RFPL1: variants seen among roughly 807,000 people sequenced by gnomAD.
The protein encoded by RFPL1 is ret finger protein like 1.
Under a neutral mutation model 9.6 loss-of-function variants are expected in RFPL1, and 6 were observed. The observed-to-expected ratio is 0.62, with a 90% CI of 0.34 to 1.23. The LOEUF is 1.23. Ranked by LOEUF, RFPL1 falls within the 50% of genes most tolerant of loss-of-function variation. The pLI, the probability that RFPL1 is intolerant of heterozygous loss-of-function variation, is 0.03. For synonymous variants in RFPL1, 145 were observed against 149.4 expected (o/e 0.97, Z 0.22); for missense variants, 352 against 398.4 (o/e 0.88, Z 0.99).
the RFPL1 span, among the ~76,000 whole-genome samples, chr22:29,420,853 G>A: frequency 6.6e-6 from 1 of 151,568 alleles, no homozygotes; most frequent in Non-Finnish European, 1.5e-5. Flanking sequence ...GTTGGCCTGG[G>A]TGGTCTTAAA....
the RFPL1 span, among the ~76,000 whole-genome samples, chr22:29,424,851 T>C: frequency 1.8e-4 from 14 of 79,884 alleles, no homozygotes; most frequent in African/African-American, 7.2e-4. Flanking sequence ...CCCCGCAAAA[T>C]TGAGACTTTC....
chr22:29,413,268 A>G, the RFPL1 span, among the ~76,000 whole-genome samples: 2 of 152,054 alleles, frequency 1.3e-5, no homozygotes, highest in Admixed American at 1.3e-4. Flanking sequence ...CAGCAGCCAC[A>G]TGTTTATACA....
At chr22:29,406,523 G>T in the RFPL1 span, among the ~76,000 whole-genome samples, 1 of 152,086 alleles carries the variant, frequency 6.6e-6, no homozygotes, top group African/African-American at 2.4e-5. Flanking sequence ...GGCCATTCTT[G>T]GTGACTTGGA....
chr22:29,439,001 G>A lies in RFPL1; in HGVS notation c.210G>A (p.Glu70=), dbSNP rs767652890. The change falls in exon 1 of 2, where the codon GAG becomes GAA. Residue 70 remains glutamate (E), a synonymous_variant. Coordinates refer to ENST00000354373, the Ensembl canonical transcript of RFPL1. ...AGTGCATCAATTCACTGCAGAAGGA[G>A]CCCCATGGGGAGGATCTACTTTGCT... The A allele has an allele frequency of 8.7e-6, 14 of 1,613,936 alleles. No homozygotes were observed. The African/African-American group carries it at 1.6e-4, about 18-fold the overall frequency.
chr22:29,432,114 A>G, the RFPL1 span, among the ~76,000 whole-genome samples: 1 of 152,344 alleles, frequency 6.6e-6, no homozygotes, highest in South Asian at 2.1e-4. Context: ...TCTCTTAGCT[A>G]AGAAAGCTGG....
At chr22:29,393,724 G>C in the RFPL1 span, among the ~76,000 whole-genome samples, 1 of 152,098 alleles carries the variant, frequency 6.6e-6, no homozygotes, top group Non-Finnish European at 1.5e-5. Context: ...TTCCTCCCAA[G>C]AAATACATAC....
the RFPL1 span, among the ~76,000 whole-genome samples, chr22:29,409,349 C>T: frequency 4.6e-5 from 7 of 152,080 alleles, no homozygotes; most frequent in South Asian, 2.1e-4. Flanking sequence ...GTGACTATTT[C>T]GCATTGATGA....
the RFPL1 span, chr22:29,433,290 C>CA: frequency 0.21 from 22,999 of 110,784 alleles, 2,043 homozygotes; most frequent in African/African-American, 0.24. Context: ...GACTCCGTCT[C>CA]AAAAAAAAAA....
the RFPL1 span, chr22:29,433,193 G>A: frequency 8.6e-5 from 13 of 151,604 alleles, no homozygotes; most frequent in African/African-American, 3.2e-4. Context: ...TCATGAGGCT[G>A]AGGCAGGAGA....
chr22:29,393,021 T>C, the RFPL1 span, among the ~76,000 whole-genome samples: 2 of 152,146 alleles, frequency 1.3e-5, no homozygotes, highest in Admixed American at 1.3e-4. Flanking sequence ...CTGTTGAGTA[T>C]GGGAGAAAGA....
chr22:29,397,751 G>T, the RFPL1 span, among the ~76,000 whole-genome samples: 1 of 152,182 alleles, frequency 6.6e-6, no homozygotes, highest in Admixed American at 6.5e-5. Context: ...TCTGCATGCA[G>T]ATTGGGACCC....
chr22:29,403,107 T>C, the RFPL1 span, among the ~76,000 whole-genome samples: 6 of 152,026 alleles, frequency 3.9e-5, no homozygotes, highest in Non-Finnish European at 4.4e-5. Flanking sequence ...TGGTTCTTGT[T>C]ATGTCCCTTT....
At chr22:29,438,666 T>C (rs1451933610) in exon 1 of RFPL1, 3 of 1,525,070 alleles carry the variant, frequency 2.0e-6, no homozygotes, top group East Asian at 2.3e-5. Flanking sequence ...ACAGTGATGA[T>C]TCGTGACTTT....
chr22:29,441,422 T>C (rs1445207067), intron 1 of RFPL1, 120 bp from the exon 2 acceptor site: 3 of 1,246,044 alleles, frequency 2.4e-6, no homozygotes, highest in Non-Finnish European at 3.3e-6. Context: ...AGTTTTGATT[T>C]TGGGGGAAGA....
At chr22:29,416,056 G>A in the RFPL1 span, among the ~76,000 whole-genome samples, 1 of 152,106 alleles carries the variant, frequency 6.6e-6, no homozygotes, top group Non-Finnish European at 1.5e-5. Flanking sequence ...AAGAGATTGG[G>A]GTTACCACAA....
At chr22:29,433,830 G>T (rs2146362808), upstream of RFPL1, among the ~76,000 whole-genome samples, 1 of 152,278 alleles carries the variant, frequency 6.6e-6, no homozygotes, top group Non-Finnish European at 1.5e-5. Flanking sequence ...ACCCCATGTG[G>T]AAGTGACAAT....
At chr22:29,390,337 A>G in the RFPL1 span, among the ~76,000 whole-genome samples, 4 of 152,154 alleles carry the variant, frequency 2.6e-5, no homozygotes, top group Non-Finnish European at 5.9e-5. Context: ...TAATATAGAT[A>G]TTACTGGTTT....
the RFPL1 span, among the ~76,000 whole-genome samples, chr22:29,406,634 C>A: frequency 6.6e-6 from 1 of 152,250 alleles, no homozygotes; most frequent in Non-Finnish European, 1.5e-5. Flanking sequence ...GAACCCAAAT[C>A]TAATTCAGGT....
chr22:29,411,157 C>T, the RFPL1 span, among the ~76,000 whole-genome samples: 1 of 152,186 alleles, frequency 6.6e-6, no homozygotes. Context: ...CTAATATTAA[C>T]TGACTCCTTA....
Sources: gnomAD v4.1 joint callset for allele counts (sites outside exome capture counted in the v4.1 genomes callset) on GRCh38, gnomAD v4.1.1 for gene constraint, MANE v1.5 for transcripts, NCBI Gene and HGNC (gene_info 2026-07-23, HGNC 2026-07-21) for gene names.